Variants in DPYD observed in about 807,000 individuals in gnomAD.
DPYD encodes dihydropyrimidine dehydrogenase.
In DPYD, 109 loss-of-function variants were observed where a neutral mutation model predicts 116.2. That is an observed-to-expected ratio of 0.94 (90% CI 0.80 to 1.10). The LOEUF (loss-of-function observed/expected upper bound fraction) is 1.10, where lower values mean the gene tolerates loss of function less well. DPYD is among the 50% of genes least tolerant of loss of function. DPYD has a pLI of 0.00. For missense variants in DPYD, 1,302 were observed against 1,254.5 expected, an observed-to-expected ratio of 1.04 and a Z score of -0.57; for synonymous variants, 440 against 432.0, an observed-to-expected ratio of 1.02 and a Z score of -0.23.
In DPYD at chr1:97,400,592, G is replaced by T. The variant is rs138436578; in HGVS notation, c.1906-18131C>A. On this transcript the variant is annotated intron_variant, in intron 14 of 22. Transcript: ENST00000370192. Reference sequence around the variant, plus strand: ...TCCGTCTGGTCCTGGACTTTTTTTGGTTGGTAAGCTATTAATTATTGCCTC... The same window carrying T: ...TCCGTCTGGTCCTGGACTTTTTTTGTTTGGTAAGCTATTAATTATTGCCTC... 5.2e-3 allele frequency among the ~76,000 whole-genome samples: 789 copies of T among 152,122 alleles called. 10 individuals are homozygous for T. Among genetic ancestry groups the T allele is most frequent in the African/African-American group, 0.018 (742 of 41,514 alleles).
chr1:97,078,816 A>AT lies in DPYD; in HGVS notation c.*159dup. ...AATTGAATGGTCATTGACATGAGAC[A>AT]TTTTTTACACTTACAAATGTATTTT... On this transcript the variant is annotated 3_prime_UTR_variant, in exon 23 of 23. Transcript: ENST00000370192. 1.2e-6 allele frequency: 1 copy of AT among 845,706 alleles called. No individual in the cohort carries two copies. Among genetic ancestry groups the AT allele is most frequent in the Admixed American group, 2.3e-5 (1 of 43,894 alleles). The allele number at this position is 845,706 out of a possible 1,614,324, so 52.4% of individuals were successfully genotyped here. A position where few individuals can be genotyped will look rare whatever the true frequency, so the allele number is the denominator to read the frequency against.
At chr1:97,144,201 C>T (rs536871674) in intron 20 of DPYD, among the ~76,000 whole-genome samples, 1 of 152,308 alleles carries the variant, frequency 6.6e-6, no homozygotes, top group African/African-American at 2.4e-5. Context: ...AATGCAGAGA[C>T]ATAGGCAAAT....
chr1:97,837,348 T>C (rs143686330), intron 2 of DPYD, among the ~76,000 whole-genome samples: 1 of 152,278 alleles, frequency 6.6e-6, no homozygotes, highest in Non-Finnish European at 1.5e-5. Flanking sequence ...GGTTTACAAT[T>C]ATACCCTTGC....
chr1:97,752,067 G>T (rs745451161), intron 3 of DPYD, among the ~76,000 whole-genome samples: 24 of 151,858 alleles, frequency 1.6e-4, no homozygotes, highest in Non-Finnish European at 2.9e-4. Context: ...CCTAAAAAAA[G>T]ATTTTTTTGT....
chr1:97,573,430 C>T (rs1037860817), intron 11 of DPYD, among the ~76,000 whole-genome samples: 1 of 152,038 alleles, frequency 6.6e-6, no homozygotes, highest in Non-Finnish European at 1.5e-5. Context: ...TCCAACTACT[C>T]TGCCTCATTT....
intron 18 of DPYD, among the ~76,000 whole-genome samples, chr1:97,273,897 A>T (rs1483380903): frequency 1.3e-5 from 2 of 152,212 alleles, no homozygotes; most frequent in Non-Finnish European, 1.5e-5. Context: ...AATGAAATGT[A>T]TATGCAACAA....
chr1:97,622,518 A>T (rs1656690579), intron 8 of DPYD, among the ~76,000 whole-genome samples: 1 of 152,066 alleles, frequency 6.6e-6, no homozygotes, highest in South Asian at 2.1e-4. Context: ...GATCTTGGAT[A>T]GACTCTAGGT....
rs752329473 is a variant in DPYD at position 97,515,891 on chromosome 1, G to A, written c.1575C>T (p.Tyr525=). 5 of 1,612,748 alleles carry A rather than the reference G, an allele frequency of 3.1e-6. No individual in the cohort carries two copies. The Admixed American group carries it at 6.7e-5, about 22-fold the overall frequency. The change falls in exon 13 of 23, where the codon TAC becomes TAT. Residue 525 remains tyrosine (Y), a synonymous_variant. Coordinates refer to ENST00000370192, the MANE Select transcript of DPYD (RefSeq NM_000110.4). ...TAATGTCCACCAGATCAATAGGAGT[G>A]TAAAAGAGGGGTAGTTCAGGCTTGG... is the stretch of plus-strand genomic sequence containing the variant. The part of the protein sequence containing the change: ...VSAKPELPLF[Y]TPIDLVDISV...
At chr1:97,405,681 A>G (rs886730069) in intron 14 of DPYD, among the ~76,000 whole-genome samples, 1 of 151,942 alleles carries the variant, frequency 6.6e-6, no homozygotes, top group Non-Finnish European at 1.5e-5. Flanking sequence ...ATGCCCAGCT[A>G]ATTTTTGTAT....
chr1:97,781,679 CTG>C (rs1666757795), intron 3 of DPYD, among the ~76,000 whole-genome samples: 2 of 152,254 alleles, frequency 1.3e-5, no homozygotes, highest in South Asian at 4.1e-4. Flanking sequence ...CCTTCCAAAA[CTG>C]TGGTACAAAT....
At chr1:97,819,415 G>A (rs1668804956) in intron 3 of DPYD, among the ~76,000 whole-genome samples, 1 of 151,340 alleles carries the variant, frequency 6.6e-6, no homozygotes, top group Admixed American at 6.6e-5. Flanking sequence ...CTTATACATG[G>A]GCATTTCTGA....
intron 18 of DPYD, among the ~76,000 whole-genome samples, chr1:97,247,636 G>T (rs1396328250): frequency 1.3e-5 from 2 of 152,144 alleles, no homozygotes; most frequent in African/African-American, 4.8e-5. Context: ...AAAGCAGGCA[G>T]CACAGTGACA....
chr1:97,304,588 T>C (rs1667050031), intron 18 of DPYD, among the ~76,000 whole-genome samples: 1 of 151,980 alleles, frequency 6.6e-6, no homozygotes, highest in Non-Finnish European at 1.5e-5. Context: ...CCACTTTCTC[T>C]ATCACCAAGG....
At chr1:97,381,172 T>C (rs1184151142) in intron 15 of DPYD, among the ~76,000 whole-genome samples, 1 of 152,078 alleles carries the variant, frequency 6.6e-6, no homozygotes, top group Non-Finnish European at 1.5e-5. Context: ...TTTATGTTTT[T>C]GCTACAGAGT....
chr1:97,198,277 G>C (rs1251484045), intron 19 of DPYD, among the ~76,000 whole-genome samples: 1 of 151,820 alleles, frequency 6.6e-6, no homozygotes, highest in African/African-American at 2.4e-5. Flanking sequence ...CTGAAATGCT[G>C]ACTGCAAAAA....
chr1:97,715,160 GA>G (rs1198554109), intron 5 of DPYD, among the ~76,000 whole-genome samples: 2 of 151,920 alleles, frequency 1.3e-5, no homozygotes, highest in Non-Finnish European at 2.9e-5. Context: ...TCCAAAATGG[GA>G]AAAAAATTAC....
At chr1:97,312,311 C>T (rs1398994153) in intron 16 of DPYD, among the ~76,000 whole-genome samples, 1 of 151,680 alleles carries the variant, frequency 6.6e-6, no homozygotes, top group African/African-American at 2.4e-5. Context: ...CTCATAGGCT[C>T]TCAATAGGAA....
chr1:97,903,719 G>C (rs1673476229), intron 1 of DPYD, among the ~76,000 whole-genome samples: 1 of 151,790 alleles, frequency 6.6e-6, no homozygotes, highest in Non-Finnish European at 1.5e-5. Context: ...AACTATACTA[G>C]AGGAACTAAG....
At chr1:97,278,007 A>G (rs1380668754) in intron 18 of DPYD, among the ~76,000 whole-genome samples, 1 of 152,026 alleles carries the variant, frequency 6.6e-6, no homozygotes, top group East Asian at 1.9e-4. Context: ...GGGATTTCTG[A>G]TCTATTTATT....
Sources: gnomAD v4.1 joint callset for allele counts (sites outside exome capture counted in the v4.1 genomes callset) on GRCh38, gnomAD v4.1.1 for gene constraint, MANE v1.5 for transcripts, NCBI Gene and HGNC (gene_info 2026-07-23, HGNC 2026-07-21) for gene names.